PTPRB: variants seen among roughly 807,000 people sequenced by gnomAD.
PTPRB encodes protein tyrosine phosphatase receptor type B.
PTPRB carries 97 observed loss-of-function variants against 238.1 expected under a neutral mutation model. The observed-to-expected ratio is 0.41, with a 90% CI of 0.35 to 0.48. The LOEUF (loss-of-function observed/expected upper bound fraction) is 0.48, where lower values mean the gene tolerates loss of function less well. Ranked by LOEUF, PTPRB falls within the 20% of genes least tolerant of loss-of-function variation. The probability of loss-of-function intolerance (pLI) is 0.30; values close to 1 mark genes in which losing one functional copy is unlikely to be tolerated. For missense variants in PTPRB, 2,292 were observed against 2,681.9 expected, an observed-to-expected ratio of 0.85 and a Z score of 3.21; for synonymous variants, 970 against 995.4, an observed-to-expected ratio of 0.97 and a Z score of 0.48.
chr12:70,591,230 C>G (rs1346343857), intron 7 of PTPRB, among the ~76,000 whole-genome samples: 1 of 151,780 alleles, frequency 6.6e-6, no homozygotes, highest in Non-Finnish European at 1.5e-5. Flanking sequence ...GCCACCGCAC[C>G]CTGCTCCCAT....
chr12:70,587,275 A>G lies in PTPRB; in HGVS notation c.2051-8T>C. On this transcript the variant is annotated splice_region_variant and splice_polypyrimidine_tract_variant and intron_variant, in intron 8 of 33. Coordinates refer to ENST00000334414, the MANE Select transcript of PTPRB (RefSeq NM_001109754.4). Reference sequence around the variant, plus strand: ...GGAGGACAGCCAGGGGGACTGAGGAAAAAGCAATGGAGATGGGTCATTGAT... The same window carrying G: ...GGAGGACAGCCAGGGGGACTGAGGAGAAAGCAATGGAGATGGGTCATTGAT... 1 of 1,613,470 alleles carries G rather than the reference A, an allele frequency of 6.2e-7. No individual in the cohort carries two copies. The highest frequency in any genetic ancestry group is 8.5e-7 in the Non-Finnish European group (1 of 1,179,552).
intron 21 of PTPRB, among the ~76,000 whole-genome samples, chr12:70,547,294 G>A (rs1244660968): frequency 6.6e-6 from 1 of 152,128 alleles, no homozygotes; most frequent in African/African-American, 2.4e-5. Context: ...TATTGAGAAA[G>A]GTCCACAAAG....
chr12:70,630,769 G>A (rs1034858463), intron 2 of PTPRB, among the ~76,000 whole-genome samples: 1 of 152,148 alleles, frequency 6.6e-6, no homozygotes, highest in African/African-American at 2.4e-5. Context: ...AAAATCACAA[G>A]CATTACTACA....
chr12:70,556,372 ACAG>A (rs1225484160), intron 18 of PTPRB, among the ~76,000 whole-genome samples: 4 of 152,286 alleles, frequency 2.6e-5, no homozygotes, highest in African/African-American at 9.6e-5. Context: ...AGTCTGAGTA[ACAG>A]TTAAAGAATG....
intron 3 of PTPRB, among the ~76,000 whole-genome samples, chr12:70,616,509 C>T (rs970332474): frequency 6.6e-6 from 1 of 152,190 alleles, no homozygotes; most frequent in Non-Finnish European, 1.5e-5. Flanking sequence ...ACCACTCTGG[C>T]AGATTTTCAC....
At chr12:70,637,232 GC>G in intron 1 of PTPRB, 108 bp downstream of exon 1, 1 of 940,800 alleles carries the variant, frequency 1.1e-6, no homozygotes, top group Non-Finnish European at 1.6e-6. Context: ...TGGCTAAACT[GC>G]CATGGAGACC....
chr12:70,571,764 T>C, intron 12 of PTPRB, 60 bp downstream of exon 12: 1 of 1,546,302 alleles, frequency 6.5e-7, no homozygotes, highest in South Asian at 1.3e-5. Flanking sequence ...AAGGTTCAGA[T>C]AAATTACTAG....
chr12:70,521,418 G>C lies in PTPRB; in HGVS notation c.*71C>G. The C allele has an allele frequency of 2.3e-6, 3 of 1,294,686 alleles. No individual in the cohort carries two copies. Among genetic ancestry groups the C allele is most frequent in the Non-Finnish European group, 3.2e-6 (3 of 946,708 alleles). The allele number at this position is 1,294,686 out of a possible 1,614,324, so 80.2% of individuals were successfully genotyped here. On this transcript the variant is annotated 3_prime_UTR_variant, in exon 34 of 34. Coordinates refer to ENST00000334414, the MANE Select transcript of PTPRB (RefSeq NM_001109754.4). ...CAGAAATAGCTGGCACCTCTGTAGG[G>C]CATGAAGCAAGTTTTTAAAAACAAA... is the stretch of plus-strand genomic sequence containing the variant.
chr12:70,615,338 T>G (rs1440971407), intron 3 of PTPRB, among the ~76,000 whole-genome samples: 1 of 152,152 alleles, frequency 6.6e-6, no homozygotes, highest in East Asian at 1.9e-4. Context: ...CTCAGTCTGT[T>G]AGACCAGCCA....
In PTPRB at chr12:70,636,097, G is replaced by A. The variant is rs369334277; in HGVS notation, c.56-31C>T. 1.2e-4 allele frequency: 181 copies of A among 1,537,394 alleles called. 1 individual carries two copies. The African/African-American group carries it at 2.2e-3, about 18-fold the overall frequency. On this transcript the variant is annotated intron_variant, in intron 1 of 33. Coordinates refer to ENST00000334414, the MANE Select transcript of PTPRB (RefSeq NM_001109754.4). ...AGATGAAAAGCTCATAAAGCACTAT[G>A]TAGCAAATTATGAGGCCCATTAGAA...
At chr12:70,618,599 G>A (rs570884780) in intron 3 of PTPRB, among the ~76,000 whole-genome samples, 44 of 152,304 alleles carry the variant, frequency 2.9e-4, no homozygotes, top group African/African-American at 1.0e-3. Context: ...ATTAGGTCTA[G>A]AATAGGGTCC....
intron 2 of PTPRB, among the ~76,000 whole-genome samples, chr12:70,634,592 G>A (rs1885599018): frequency 6.6e-6 from 1 of 152,182 alleles, no homozygotes; most frequent in African/African-American, 2.4e-5. Flanking sequence ...CTACGGGAAT[G>A]TGTATTTTTA....
chr12:70,572,214 T>C, intron 11 of PTPRB, 127 bp from the exon 12 acceptor site: 1 of 1,013,892 alleles, frequency 9.9e-7, no homozygotes, highest in South Asian at 1.6e-5. Context: ...AGAAAAATCT[T>C]AGACCTTAGG....
At chr12:70,523,531 G>T (rs1871915418) in intron 33 of PTPRB, among the ~76,000 whole-genome samples, 1 of 152,092 alleles carries the variant, frequency 6.6e-6, no homozygotes, top group South Asian at 2.1e-4. Context: ...AACTAGTTGT[G>T]ATTTCAAAGA....
chr12:70,624,357 A>AT (rs1885080649), intron 2 of PTPRB, among the ~76,000 whole-genome samples: 1 of 151,732 alleles, frequency 6.6e-6, no homozygotes, highest in Non-Finnish European at 1.5e-5. Flanking sequence ...GCTTTGATTG[A>AT]TTTTTGGACA....
chr12:70,530,666 A>G (rs556469579), intron 32 of PTPRB, among the ~76,000 whole-genome samples: 31 of 152,372 alleles, frequency 2.0e-4, no homozygotes, highest in African/African-American at 5.5e-4. Flanking sequence ...AGAACACAGA[A>G]TACTGATAAT....
At position 70,518,921 on chromosome 12, in the gene PTPRB, T is replaced by TGG. The variant is rs1201087029; in HGVS notation, c.*2567_*2568insCC. 6.6e-6 allele frequency: 1 copy of TGG among 151,838 alleles called. No homozygotes were observed. Among genetic ancestry groups the TGG allele is most frequent in the African/African-American group, 2.4e-5 (1 of 41,348 alleles). The allele number at this position is 151,838 out of a possible 1,614,324, so 9.4% of individuals were successfully genotyped here. A position where few individuals can be genotyped will look rare whatever the true frequency, so the allele number is the denominator to read the frequency against. Reference sequence around the variant, plus strand: ...CCCACCAAGACAGGAAATGGAGTGTTTACCAAGACATAACACATGATGCAA... The same window carrying TGG: ...CCCACCAAGACAGGAAATGGAGTGTTGGTACCAAGACATAACACATGATGCAA... On this transcript the variant is annotated 3_prime_UTR_variant, in exon 34 of 34. Coordinates refer to ENST00000334414, the MANE Select transcript of PTPRB (RefSeq NM_001109754.4).
At chr12:70,608,758 A>T (rs1265262967) in intron 4 of PTPRB, 3 of 308,036 alleles carry the variant, frequency 9.7e-6, no homozygotes, top group Non-Finnish European at 1.8e-5. Flanking sequence ...AATGCAATGG[A>T]AGCGTAAACC....
intron 8 of PTPRB, among the ~76,000 whole-genome samples, chr12:70,589,157 T>G (rs371145220): frequency 1.3e-5 from 2 of 152,144 alleles, no homozygotes; most frequent in Non-Finnish European, 2.9e-5. Context: ...TTGATCATCA[T>G]CCAGTGGATA....
Sources: allele counts gnomAD v4.1 joint callset (sites outside exome capture counted in the v4.1 genomes callset), GRCh38; gene constraint gnomAD v4.1.1; transcripts MANE v1.5; gene names NCBI Gene and HGNC (gene_info 2026-07-23, HGNC 2026-07-21).